KCNN2: variants seen among roughly 807,000 people sequenced by gnomAD.
The protein encoded by KCNN2 is small conductance calcium-activated potassium channel protein 2.
In KCNN2, 24 loss-of-function variants were observed where a neutral mutation model predicts 55.5. That is an observed-to-expected ratio of 0.43 (90% CI 0.31 to 0.61). KCNN2 has a LOEUF of 0.61. Among genes scored for constraint, KCNN2 ranks in the 20% least tolerant of loss-of-function variants. KCNN2 has a pLI of 0.08. For missense variants in KCNN2, 754 were observed against 853.6 expected (o/e 0.88, Z 1.45); for synonymous variants, 431 against 336.1 (o/e 1.28, Z -3.09).
chr5:114,233,185 G>C (rs975263511), intron 2 of KCNN2, among the ~76,000 whole-genome samples: 1 of 151,560 alleles, frequency 6.6e-6, no homozygotes, highest in African/African-American at 2.4e-5. Context: ...CTCCCAAAGT[G>C]CTGGGATTAC....
chr5:114,335,493 T>C (rs1756904107), intron 2 of KCNN2, among the ~76,000 whole-genome samples: 2 of 152,240 alleles, frequency 1.3e-5, no homozygotes, highest in Non-Finnish European at 2.9e-5. Context: ...TTCCCTATTT[T>C]TATCTTACTT....
intron 1 of KCNN2, among the ~76,000 whole-genome samples, chr5:114,113,003 A>G (rs1182125899): frequency 6.6e-6 from 1 of 152,078 alleles, no homozygotes; most frequent in African/African-American, 2.4e-5. Flanking sequence ...TCAACTTCAA[A>G]TACTGAGAGA....
chr5:114,217,084 C>T (rs769301568), intron 1 of KCNN2, among the ~76,000 whole-genome samples: 24 of 151,906 alleles, frequency 1.6e-4, no homozygotes, highest in Non-Finnish European at 1.0e-4. Flanking sequence ...AGGAAAGCTA[C>T]AAAACTTTGA....
intron 2 of KCNN2, among the ~76,000 whole-genome samples, chr5:114,319,428 G>A (rs1226534239): frequency 2.0e-5 from 3 of 152,164 alleles, no homozygotes; most frequent in African/African-American, 7.2e-5. Flanking sequence ...TTGGCTGTTT[G>A]CCTCAGCACA....
At chr5:114,333,102 A>C (rs1043858353) in intron 2 of KCNN2, among the ~76,000 whole-genome samples, 1 of 152,246 alleles carries the variant, frequency 6.6e-6, no homozygotes, top group Non-Finnish European at 1.5e-5. Context: ...AAAAGTTTAC[A>C]GTCAGAAAGA....
At chr5:114,192,074 T>G (rs1753461512) in intron 1 of KCNN2, among the ~76,000 whole-genome samples, 1 of 152,212 alleles carries the variant, frequency 6.6e-6, no homozygotes, top group South Asian at 2.1e-4. Context: ...TAATGCTCTG[T>G]CTACTTAGCC....
At chr5:114,445,683 G>T (rs971691048) in intron 3 of KCNN2, among the ~76,000 whole-genome samples, 1 of 152,102 alleles carries the variant, frequency 6.6e-6, no homozygotes, top group South Asian at 2.1e-4. Flanking sequence ...TGCTAGTATT[G>T]CTATCAATAT....
chr5:114,486,953 T>G lies in KCNN2; in HGVS notation c.1891-97T>G, dbSNP rs1323849967. On this transcript the variant is annotated intron_variant, in intron 5 of 7. Transcript: ENST00000673685. ...CATGGTTACTAAATGAAGCTACAGC[T>G]CACCATGATCCTTGGGATGAAGACT... 2.8e-6 allele frequency: 4 copies of G among 1,416,096 alleles called. No homozygotes were observed. In the African/African-American group the frequency reaches 5.8e-5, roughly 20 times the overall value. The allele number at this position is 1,416,096 out of a possible 1,614,324, so 87.7% of individuals were successfully genotyped here.
At chr5:114,385,519 G>GCGCGCGCACA (rs1458678711) in intron 2 of KCNN2, among the ~76,000 whole-genome samples, 3 of 143,354 alleles carry the variant, frequency 2.1e-5, no homozygotes, top group African/African-American at 7.9e-5. Context: ...ACACATGCGC[G>GCGCGCGCACA]CACACACACA....
intron 3 of KCNN2, among the ~76,000 whole-genome samples, chr5:114,411,857 G>GTATTCCTT (rs1197085209): frequency 9.2e-5 from 14 of 152,082 alleles, no homozygotes; most frequent in Admixed American, 2.6e-4. Flanking sequence ...AGTTCTCTAG[G>GTATTCCTT]TATTCCTTAA....
chr5:114,316,976 A>T (rs1470607649), intron 2 of KCNN2, among the ~76,000 whole-genome samples: 1 of 152,230 alleles, frequency 6.6e-6, no homozygotes, highest in Non-Finnish European at 1.5e-5. Flanking sequence ...CCTTGAGCTC[A>T]TGCTAAGGCC....
chr5:114,217,445 A>C (rs1348071542), intron 1 of KCNN2, among the ~76,000 whole-genome samples: 1 of 152,166 alleles, frequency 6.6e-6, no homozygotes, highest in Admixed American at 6.5e-5. Flanking sequence ...AAAAATCGCC[A>C]CATAAATGTA....
chr5:114,352,385 A>T (rs184248061), intron 2 of KCNN2, among the ~76,000 whole-genome samples: 38 of 148,180 alleles, frequency 2.6e-4, no homozygotes, highest in African/African-American at 8.9e-4. Context: ...ACTAATTTTT[A>T]TTTTCAATGA....
At chr5:114,311,307 G>C (rs1325108676) in intron 2 of KCNN2, among the ~76,000 whole-genome samples, 1 of 152,016 alleles carries the variant, frequency 6.6e-6, no homozygotes, top group Non-Finnish European at 1.5e-5. Flanking sequence ...CATTTGTGTT[G>C]ATGAAGCTAC....
At chr5:114,283,081 T>C (rs1011148741) in intron 2 of KCNN2, among the ~76,000 whole-genome samples, 5 of 152,186 alleles carry the variant, frequency 3.3e-5, no homozygotes, top group Admixed American at 3.3e-4. Flanking sequence ...GTTGAATAGG[T>C]ACTGGTTTCT....
At chr5:114,124,864 G>C (rs1479132071) in intron 1 of KCNN2, among the ~76,000 whole-genome samples, 4 of 151,936 alleles carry the variant, frequency 2.6e-5, no homozygotes, top group African/African-American at 9.7e-5. Context: ...ATTCTTCTTG[G>C]CTTTATTTTT....
chr5:114,140,322 C>T (rs1282556605), intron 1 of KCNN2, among the ~76,000 whole-genome samples: 5 of 152,192 alleles, frequency 3.3e-5, no homozygotes, highest in Admixed American at 2.0e-4. Flanking sequence ...ACTGGCCTGC[C>T]AGCCTCTGAC....
In KCNN2 at chr5:114,404,554, T is replaced by C. The variant is rs535169450; in HGVS notation, c.1335T>C (p.Tyr445=). ...CTATTCATCCCATACCTGGGAATTA[T>C]ACATTCACATGGACGGCCCGGCTTG... ...VCAIHPIPGN[Y]TFTWTARLAF... Residue 445 remains tyrosine, a synonymous_variant, in exon 3 of 8, where the codon TAT becomes TAC. Transcript: ENST00000673685. 5 of 1,613,844 alleles carry C rather than the reference T, an allele frequency of 3.1e-6. No homozygotes were observed. Among genetic ancestry groups the C allele is most frequent in the African/African-American group, 1.3e-5 (1 of 75,050 alleles).
intron 1 of KCNN2, among the ~76,000 whole-genome samples, chr5:114,139,143 A>G (rs891141588): frequency 2.0e-5 from 3 of 152,096 alleles, no homozygotes; most frequent in African/African-American, 7.2e-5. Flanking sequence ...TTACATGGCA[A>G]CCTCTCTGTT....
Sources: gnomAD v4.1 joint callset for allele counts (sites outside exome capture counted in the v4.1 genomes callset) on GRCh38, gnomAD v4.1.1 for gene constraint, MANE v1.5 for transcripts, NCBI Gene and HGNC (gene_info 2026-07-23, HGNC 2026-07-21) for gene names.